GABRB1: variants seen among roughly 807,000 people sequenced by gnomAD.
The protein encoded by GABRB1 is gamma-aminobutyric acid type A receptor subunit beta1.
In GABRB1, 17 loss-of-function variants were observed where a neutral mutation model predicts 51.6. That is an observed-to-expected ratio of 0.33 (90% CI 0.23 to 0.49). The LOEUF (loss-of-function observed/expected upper bound fraction) is 0.49. GABRB1 is among the 20% of genes least tolerant of loss of function. The pLI is 0.99. For synonymous variants in GABRB1, 247 were observed against 218.9 expected, an observed-to-expected ratio of 1.13 and a Z score of -1.14; for missense variants, 410 against 600.6, an observed-to-expected ratio of 0.68 and a Z score of 3.32.
intron 5 of GABRB1, among the ~76,000 whole-genome samples, chr4:47,348,896 A>G (rs1456646090): frequency 6.6e-6 from 1 of 152,226 alleles, no homozygotes; most frequent in Non-Finnish European, 1.5e-5. Context: ...AAGTAGATGA[A>G]TTCCAGGGAG....
At chr4:47,089,150 C>G (rs911366055) in intron 3 of GABRB1, among the ~76,000 whole-genome samples, 20 of 152,154 alleles carry the variant, frequency 1.3e-4, no homozygotes, top group Admixed American at 1.2e-3. Flanking sequence ...GGGGAAAAAC[C>G]TCCAAAACCT....
intron 4 of GABRB1, among the ~76,000 whole-genome samples, chr4:47,198,977 A>G (rs1719796586): frequency 6.6e-6 from 1 of 152,136 alleles, no homozygotes; most frequent in Non-Finnish European, 1.5e-5. Context: ...TGAGAACAGC[A>G]TGGAGGAAAC....
chr4:47,151,104 T>C (rs1287197632), intron 3 of GABRB1, among the ~76,000 whole-genome samples: 1 of 152,030 alleles, frequency 6.6e-6, no homozygotes, highest in East Asian at 1.9e-4. Context: ...GATAATTTGA[T>C]AAAAATCATT....
chr4:47,189,572 TTATA>T (rs764901360), intron 4 of GABRB1, among the ~76,000 whole-genome samples: 20 of 152,032 alleles, frequency 1.3e-4, no homozygotes, highest in Non-Finnish European at 1.9e-4. Flanking sequence ...GGATAGTTTC[TTATA>T]TTCTATCCTT....
At position 47,365,350 on chromosome 4, in the gene GABRB1, A is replaced by G. The variant is rs548312229; in HGVS notation, c.545-37968A>G. Among the ~76,000 whole-genome samples the G allele has an allele frequency of 3.3e-5, 5 of 152,216 alleles. No homozygotes were observed. The South Asian group carries it at 1.0e-3, about 32-fold the overall frequency. On this transcript the variant is annotated intron_variant, in intron 5 of 8. Coordinates refer to ENST00000295454, the MANE Select transcript of GABRB1 (RefSeq NM_000812.4). ...TCCTTTCAATATCCTCCTGCCCTTT[A>G]ATCTATCACTCATTCATTTATTAGT...
chr4:47,031,549 C>T, upstream of GABRB1: 4 of 927,830 alleles, frequency 4.3e-6, no homozygotes, highest in South Asian at 5.6e-5. Flanking sequence ...TGAGCGCGCT[C>T]TGCGCATGCG....
chr4:47,305,232 G>C (rs565716420), intron 4 of GABRB1, among the ~76,000 whole-genome samples: 1 of 152,022 alleles, frequency 6.6e-6, no homozygotes, highest in Non-Finnish European at 1.5e-5. Context: ...AGCTTAATTT[G>C]AGCATACTTT....
chr4:47,131,248 C>A (rs1302804700), intron 3 of GABRB1, among the ~76,000 whole-genome samples: 1 of 151,982 alleles, frequency 6.6e-6, no homozygotes, highest in Non-Finnish European at 1.5e-5. Context: ...CAACCTCTGC[C>A]TCCAAATTCA....
At chr4:46,996,875 C>A (rs954970097) in intron 1 of GABRB1, among the ~76,000 whole-genome samples, 5 of 151,862 alleles carry the variant, frequency 3.3e-5, no homozygotes, top group African/African-American at 1.2e-4. Context: ...TTCATTAATT[C>A]TTTCTGGTAA....
intron 5 of GABRB1, among the ~76,000 whole-genome samples, chr4:47,322,059 C>A (rs1178261399): frequency 1.3e-5 from 2 of 151,928 alleles, no homozygotes; most frequent in Non-Finnish European, 2.9e-5. Context: ...ACTTTAAGTC[C>A]ATTTAATATA....
intron 5 of GABRB1, among the ~76,000 whole-genome samples, chr4:47,382,534 G>C (rs62297824): frequency 6.6e-6 from 1 of 152,160 alleles, no homozygotes; most frequent in Non-Finnish European, 1.5e-5. Flanking sequence ...TATCTTTCCT[G>C]TAAGTCAGGT....
chr4:47,035,789 C>G (rs1028362734), intron 3 of GABRB1, among the ~76,000 whole-genome samples: 14 of 152,152 alleles, frequency 9.2e-5, no homozygotes, highest in African/African-American at 3.4e-4. Context: ...AAAACACAGA[C>G]AGTAGTAGGC....
In GABRB1 at chr4:47,320,141, C is replaced by T. The variant is rs1279642235; in HGVS notation, c.476C>T (p.Ala159Val). Residue 159 changes from alanine to valine, a missense_variant, in exon 5 of 9, where the codon GCT (alanine) becomes GTT (valine). Transcript: ENST00000295454. ...VLYGLRITTT[A>V]ACMMDLRRYP... The stretch of plus-strand genomic sequence containing the variant: ...CTCTCTATCAGAATCACAACCACAG[C>T]TGCATGTATGATGGATCTTCGAAGA... 1 of 1,601,528 alleles carries T rather than the reference C, an allele frequency of 6.2e-7. No individual in the cohort carries two copies. Among genetic ancestry groups the T allele is most frequent in the Non-Finnish European group, 8.6e-7 (1 of 1,168,494 alleles).
intron 3 of GABRB1, among the ~76,000 whole-genome samples, chr4:47,136,651 T>A (rs1716670384): frequency 6.6e-6 from 1 of 151,992 alleles, no homozygotes; most frequent in African/African-American, 2.4e-5. Context: ...TGAATAGAAT[T>A]CACTCTAATG....
At chr4:47,413,961 G>A (rs1728838128) in intron 8 of GABRB1, among the ~76,000 whole-genome samples, 1 of 152,204 alleles carries the variant, frequency 6.6e-6, no homozygotes, top group Non-Finnish European at 1.5e-5. Flanking sequence ...AGATTTCACA[G>A]TACAACGAGG....
At chr4:47,393,811 A>G (rs1384469954) in intron 5 of GABRB1, among the ~76,000 whole-genome samples, 1 of 152,244 alleles carries the variant, frequency 6.6e-6, no homozygotes, top group Non-Finnish European at 1.5e-5. Flanking sequence ...CTATTAGACC[A>G]TGAGATCCTG....
intron 4 of GABRB1, among the ~76,000 whole-genome samples, chr4:47,268,935 G>A (rs941106926): frequency 7.2e-5 from 11 of 152,100 alleles, no homozygotes; most frequent in Non-Finnish European, 1.6e-4. Flanking sequence ...GTGAGTATAG[G>A]AAAACTGTGT....
intron 3 of GABRB1, among the ~76,000 whole-genome samples, chr4:47,065,980 C>T (rs1265888228): frequency 6.6e-6 from 1 of 152,164 alleles, no homozygotes. Context: ...GCCACTGAGA[C>T]TTGTATCTCA....
chr4:47,104,432 G>T (rs1306001721), intron 3 of GABRB1, among the ~76,000 whole-genome samples: 1 of 151,702 alleles, frequency 6.6e-6, no homozygotes, highest in African/African-American at 2.4e-5. Flanking sequence ...TGTGATCTAT[G>T]ACTGTAATTA....
Sources: allele counts gnomAD v4.1 joint callset (sites outside exome capture counted in the v4.1 genomes callset), GRCh38; gene constraint gnomAD v4.1.1; transcripts MANE v1.5; gene names NCBI Gene and HGNC (gene_info 2026-07-23, HGNC 2026-07-21).